The following GRB10 variants were observed in gnomAD, a reference collection of about 807,000 sequenced individuals.
The protein encoded by GRB10 is growth factor receptor-bound protein 10.
In GRB10, 20 loss-of-function variants were observed where a neutral mutation model predicts 80.9. The ratio of observed to expected loss-of-function variants is 0.25; its 90% CI spans 0.17 to 0.36. The LOEUF is 0.36. GRB10 is among the 10% of genes least tolerant of loss of function. The probability of loss-of-function intolerance (pLI) is 1.00; values close to 1 mark genes in which losing one functional copy is unlikely to be tolerated. For synonymous variants in GRB10, 291 were observed against 291.5 expected, an observed-to-expected ratio of 1.00 and a Z score of 0.02; for missense variants, 548 against 747.7, an observed-to-expected ratio of 0.73 and a Z score of 3.12.
At chr7:50,654,370 G>T (rs1203191243) in intron 7 of GRB10, among the ~76,000 whole-genome samples, 1 of 152,162 alleles carries the variant, frequency 6.6e-6, no homozygotes, top group Non-Finnish European at 1.5e-5. Context: ...CTGCCTTCAG[G>T]TGGCCGCTGC....
intron 7 of GRB10, among the ~76,000 whole-genome samples, chr7:50,657,815 G>C (rs1482641286): frequency 6.6e-6 from 1 of 152,218 alleles, no homozygotes; most frequent in African/African-American, 2.4e-5. Flanking sequence ...AGCAGAGGGA[G>C]GATGTTTACC....
chr7:50,601,355 C>T (rs1389729189), intron 17 of GRB10, among the ~76,000 whole-genome samples: 1 of 152,070 alleles, frequency 6.6e-6, no homozygotes, highest in Non-Finnish European at 1.5e-5. Context: ...CAGCATTCAA[C>T]CAAAAAGAAA....
chr7:50,709,045 A>C (rs1333564622), intron 4 of GRB10, among the ~76,000 whole-genome samples: 1 of 152,174 alleles, frequency 6.6e-6, no homozygotes, highest in Non-Finnish European at 1.5e-5. Flanking sequence ...AAAGGATGGG[A>C]GAGGGCAGCC....
chr7:50,617,362 T>A (rs949762584), intron 10 of GRB10, among the ~76,000 whole-genome samples: 1 of 152,182 alleles, frequency 6.6e-6, no homozygotes, highest in Admixed American at 6.5e-5. Context: ...GTCACCTGGA[T>A]CTTGTTGGTG....
upstream of GRB10, among the ~76,000 whole-genome samples, chr7:50,787,707 C>T (rs1454709668): frequency 6.6e-6 from 1 of 152,186 alleles, no homozygotes; most frequent in East Asian, 1.9e-4. Flanking sequence ...ATCCCTCCTG[C>T]GTCGCTCCAT....
At chr7:50,630,022 A>C (rs2053711053) in intron 7 of GRB10, among the ~76,000 whole-genome samples, 1 of 152,246 alleles carries the variant, frequency 6.6e-6, no homozygotes, top group Non-Finnish European at 1.5e-5. Context: ...TGGTAACACC[A>C]GGAAAGGTGA....
intron 5 of GRB10, among the ~76,000 whole-genome samples, chr7:50,702,443 C>T (rs1021749827): frequency 6.6e-6 from 1 of 152,214 alleles, no homozygotes; most frequent in African/African-American, 2.4e-5. Context: ...GCTCTGTGGA[C>T]ATGCCTGGGT....
intron 7 of GRB10, among the ~76,000 whole-genome samples, chr7:50,629,504 A>G (rs1315256887): frequency 2.0e-5 from 3 of 152,128 alleles, no homozygotes; most frequent in Non-Finnish European, 4.4e-5. Context: ...CTCCAGCGAC[A>G]GGCCCCTCTG....
chr7:50,649,499 GAC>G (rs1358147798), intron 7 of GRB10, among the ~76,000 whole-genome samples: 2 of 152,226 alleles, frequency 1.3e-5, no homozygotes, highest in Non-Finnish European at 2.9e-5. Flanking sequence ...ACACAGTGAC[GAC>G]ACACACGGGG....
At chr7:50,742,852 A>G (rs2072144200) in intron 3 of GRB10, among the ~76,000 whole-genome samples, 1 of 152,066 alleles carries the variant, frequency 6.6e-6, no homozygotes, top group South Asian at 2.1e-4. Context: ...AATATTGGGG[A>G]AAAAATTCAG....
chr7:50,674,398 T>G (rs763887919), intron 6 of GRB10, 38 bp downstream of exon 6: 1 of 1,583,114 alleles, frequency 6.3e-7, no homozygotes, highest in African/African-American at 1.3e-5. Flanking sequence ...ACAGCTCTCA[T>G]CCTTGGAGAA....
intron 6 of GRB10, 81 bp downstream of exon 6, chr7:50,674,355 C>A (rs529031019): frequency 2.2e-6 from 3 of 1,353,422 alleles, no homozygotes; most frequent in African/African-American, 2.8e-5. Context: ...CCCCCCAACA[C>A]CATTTAACTC....
At chr7:50,610,751 T>C (rs1017136681) in intron 13 of GRB10, among the ~76,000 whole-genome samples, 1 of 152,106 alleles carries the variant, frequency 6.6e-6, no homozygotes, top group African/African-American at 2.4e-5. Context: ...TAGCAAATGC[T>C]CAAAAAAATC....
At chr7:50,761,633 A>G (rs2075778350) in intron 2 of GRB10, 1 of 152,250 alleles carries the variant, frequency 6.6e-6, no homozygotes, top group African/African-American at 2.4e-5. Context: ...TCTAGAAAAC[A>G]CAGTGAAGAA....
At chr7:50,658,134 G>A (rs1212873501) in intron 7 of GRB10, among the ~76,000 whole-genome samples, 1 of 152,208 alleles carries the variant, frequency 6.6e-6, no homozygotes, top group Non-Finnish European at 1.5e-5. Flanking sequence ...TGCCACATGC[G>A]CCTATTGCAG....
At chr7:50,772,373 C>T (rs2077070581) in intron 2 of GRB10, among the ~76,000 whole-genome samples, 1 of 152,218 alleles carries the variant, frequency 6.6e-6, no homozygotes, top group African/African-American at 2.4e-5. Flanking sequence ...GCAAGAGTCC[C>T]AGGACAGTCA....
At chr7:50,769,398 G>A (rs1221598080) in intron 2 of GRB10, among the ~76,000 whole-genome samples, 1 of 152,168 alleles carries the variant, frequency 6.6e-6, no homozygotes, top group Non-Finnish European at 1.5e-5. Context: ...TGGGACCCGA[G>A]AAAGAACCTG....
chr7:50,619,809 C>T (rs2051340976), intron 8 of GRB10, among the ~76,000 whole-genome samples: 2 of 152,146 alleles, frequency 1.3e-5, no homozygotes, highest in African/African-American at 2.4e-5. Flanking sequence ...TACGTACATA[C>T]TCATCTTTCA....
At chr7:50,638,504 T>C (rs1321496926) in intron 7 of GRB10, among the ~76,000 whole-genome samples, 1 of 152,162 alleles carries the variant, frequency 6.6e-6, no homozygotes, top group African/African-American at 2.4e-5. Context: ...TCAATATCAC[T>C]AGTTATCAGA....
Sources: gnomAD v4.1 joint callset for allele counts (sites outside exome capture counted in the v4.1 genomes callset) on GRCh38, gnomAD v4.1.1 for gene constraint, MANE v1.5 for transcripts, NCBI Gene and HGNC (gene_info 2026-07-23, HGNC 2026-07-21) for gene names.